Variants in CSMD2 observed in about 807,000 individuals in gnomAD.
CSMD2 encodes the protein CUB and sushi domain-containing protein 2.
A neutral mutation model predicts 398.5 loss-of-function variants in CSMD2; 130 were observed. That is an observed-to-expected ratio of 0.33 (90% confidence interval 0.28 to 0.38). CSMD2 has a LOEUF of 0.38. Ranked by LOEUF, CSMD2 falls within the 10% of genes least tolerant of loss-of-function variation. The pLI, the probability that CSMD2 is intolerant of heterozygous loss-of-function variation, is 1.00. For synonymous variants in CSMD2, 1,828 were observed against 1,908.5 expected (o/e 0.96, Z 1.10); for missense variants, 3,829 against 4,764.9 (o/e 0.80, Z 5.78).
At chr1:33,606,039 T>G in intron 41 of CSMD2, 1 of 1,573,304 alleles carries the variant, frequency 6.4e-7, no homozygotes, top group Non-Finnish European at 8.6e-7. Flanking sequence ...CTAAGGGACG[T>G]GTGGCTGTCA....
At chr1:34,136,808 T>C (rs1298840261) in intron 1 of CSMD2, among the ~76,000 whole-genome samples, 2 of 152,200 alleles carry the variant, frequency 1.3e-5, no homozygotes, top group African/African-American at 2.4e-5. Context: ...CATTCATCTG[T>C]CTATATGTCT....
At chr1:33,685,858 C>T (rs1428037173) in intron 25 of CSMD2, among the ~76,000 whole-genome samples, 2 of 152,218 alleles carry the variant, frequency 1.3e-5, no homozygotes, top group Non-Finnish European at 2.9e-5. Context: ...TCTTGGCAGA[C>T]AAGGCCTGGC....
chr1:34,152,076 C>T (rs2148557907), intron 1 of CSMD2, among the ~76,000 whole-genome samples: 1 of 152,276 alleles, frequency 6.6e-6, no homozygotes, highest in Non-Finnish European at 1.5e-5. Flanking sequence ...GTCTCAAACT[C>T]CTGGCCTCAA....
At chr1:34,148,343 C>G (rs1305017708) in intron 1 of CSMD2, among the ~76,000 whole-genome samples, 1 of 152,218 alleles carries the variant, frequency 6.6e-6, no homozygotes, top group African/African-American at 2.4e-5. Context: ...CCACCGGCCC[C>G]TTGCCCAGTC....
At chr1:33,767,321 G>C (rs771714056) in intron 13 of CSMD2, among the ~76,000 whole-genome samples, 1 of 152,138 alleles carries the variant, frequency 6.6e-6, no homozygotes, top group African/African-American at 2.4e-5. Context: ...AAGGGAGAGA[G>C]AATATGAATA....
chr1:34,103,547 G>T (rs557005418), intron 1 of CSMD2, among the ~76,000 whole-genome samples: 1 of 151,828 alleles, frequency 6.6e-6, no homozygotes, highest in Non-Finnish European at 1.5e-5. Flanking sequence ...CGCCCACCTC[G>T]GCCTCCCAAA....
intron 44 of CSMD2, chr1:33,599,626 T>C (rs1013112773): frequency 6.5e-6 from 1 of 152,892 alleles, no homozygotes; most frequent in Non-Finnish European, 1.5e-5. Context: ...TATCACTCTA[T>C]GGGAAAGTCA....
chr1:33,864,141 A>C lies in CSMD2; in HGVS notation c.921-17145T>G, dbSNP rs1639770254. 9 of 1,507,574 alleles carry C rather than the reference A, an allele frequency of 6.0e-6. No individual in the cohort carries two copies. In the African/African-American group the frequency reaches 1.3e-4, roughly 21 times the overall value. 93.4% of individuals were successfully genotyped at this position (1,507,574 alleles called of 1,614,324 possible). A position where few individuals can be genotyped will look rare whatever the true frequency, so the allele number is the denominator to read the frequency against. On this transcript the variant is annotated intron_variant, in intron 5 of 70. Coordinates refer to ENST00000373381, the MANE Select transcript of CSMD2 (RefSeq NM_001281956.2). ...ATTGCTCCTGGAGTGTGGGAACAAC[A>C]GTCTCTCCTGTCCACGTTACTGAAT...
rs1292157059 is a variant in CSMD2 at position 33,770,833 on chromosome 1, T to C, written c.1846+1736A>G. 3.9e-5 allele frequency among the ~76,000 whole-genome samples: 6 copies of C among 152,192 alleles called. No individual in the cohort carries two copies. In the South Asian group the frequency reaches 1.2e-3, roughly 31 times the overall value. On this transcript the variant is annotated intron_variant, in intron 13 of 70. Coordinates refer to ENST00000373381, the MANE Select transcript of CSMD2 (RefSeq NM_001281956.2). ...CAGCTGTTTGCAAGCAGTGCCCAGCTCACTGGAGGCTGCCGGCCCTGCTTG... is the reference window on the plus strand; with the variant it reads ...CAGCTGTTTGCAAGCAGTGCCCAGCCCACTGGAGGCTGCCGGCCCTGCTTG...
intron 12 of CSMD2, among the ~76,000 whole-genome samples, chr1:33,774,909 T>C (rs762968824): frequency 4.6e-5 from 7 of 152,198 alleles, no homozygotes; most frequent in Non-Finnish European, 1.0e-4. Flanking sequence ...GCACCTACTA[T>C]GTGCCAGTTG....
intron 2 of CSMD2, among the ~76,000 whole-genome samples, chr1:34,087,684 T>C (rs984032936): frequency 2.6e-5 from 4 of 151,606 alleles, no homozygotes; most frequent in Non-Finnish European, 5.9e-5. Flanking sequence ...CATCACTTTC[T>C]TACCCTGTGT....
intron 10 of CSMD2, among the ~76,000 whole-genome samples, chr1:33,802,106 T>C (rs1325245): frequency 0.03 from 4,593 of 152,272 alleles, 219 homozygotes; most frequent in African/African-American, 0.1. Context: ...TGTAGGCAGA[T>C]GTTAATGTCA....
intron 25 of CSMD2, among the ~76,000 whole-genome samples, chr1:33,680,334 T>C (rs1038651265): frequency 5.3e-5 from 8 of 152,100 alleles, no homozygotes; most frequent in Admixed American, 3.3e-4. Context: ...AATATGAATG[T>C]TTCCCATGTG....
chr1:33,596,450 G>C (rs1048476339), intron 44 of CSMD2, among the ~76,000 whole-genome samples: 1 of 152,154 alleles, frequency 6.6e-6, no homozygotes, highest in African/African-American at 2.4e-5. Context: ...AGGTATGGAT[G>C]CTGTATTAGT....
chr1:34,049,358 A>G (rs61771390), intron 2 of CSMD2, among the ~76,000 whole-genome samples: 7,172 of 152,232 alleles, frequency 0.047, 236 homozygotes, highest in East Asian at 0.14. Context: ...ACTCTGCTGC[A>G]GCTTCTAGGA....
At chr1:33,718,140 C>G (rs1318333776) in intron 19 of CSMD2, among the ~76,000 whole-genome samples, 1 of 152,112 alleles carries the variant, frequency 6.6e-6, no homozygotes, top group Non-Finnish European at 1.5e-5. Flanking sequence ...TGTGGTAGAG[C>G]TAGGATCTGA....
chr1:34,000,435 C>A (rs541411127), intron 3 of CSMD2, among the ~76,000 whole-genome samples: 1 of 152,124 alleles, frequency 6.6e-6, no homozygotes, highest in Non-Finnish European at 1.5e-5. Flanking sequence ...CCACACGCAG[C>A]AGCTTTGGCA....
At chr1:33,716,553 C>T in intron 19 of CSMD2, 52 bp from the exon 20 acceptor site, 3 of 1,250,866 alleles carry the variant, frequency 2.4e-6, no homozygotes, top group Non-Finnish European at 3.3e-6. Context: ...GCTGGAGAAC[C>T]TCAGCTGCAA....
At chr1:33,641,212 C>T (rs1314628761) in intron 29 of CSMD2, among the ~76,000 whole-genome samples, 2 of 152,204 alleles carry the variant, frequency 1.3e-5, no homozygotes, top group African/African-American at 4.8e-5. Flanking sequence ...GTTTCCCTCA[C>T]TCACCTGTAA....
Sources: allele counts gnomAD v4.1 joint callset (sites outside exome capture counted in the v4.1 genomes callset), GRCh38; gene constraint gnomAD v4.1.1; transcripts MANE v1.5; gene names NCBI Gene and HGNC (gene_info 2026-07-23, HGNC 2026-07-21).